COL11A1: variants seen among roughly 807,000 people sequenced by gnomAD.
COL11A1 encodes the protein collagen alpha-1(XI) chain.
A neutral mutation model predicts 265.2 loss-of-function variants in COL11A1; 74 were observed. That is an observed-to-expected ratio of 0.28 (90% CI 0.23 to 0.34). The LOEUF (loss-of-function observed/expected upper bound fraction) is 0.34, where lower values mean the gene tolerates loss of function less well. Ranked by LOEUF, COL11A1 falls within the 10% of genes least tolerant of loss-of-function variation. The pLI, the probability that COL11A1 is intolerant of heterozygous loss-of-function variation, is 1.00. For synonymous variants in COL11A1, 816 were observed against 727.6 expected (o/e 1.12, Z -1.96); for missense variants, 2,165 against 2,263.6 (o/e 0.96, Z 0.88).
At chr1:102,878,762 G>A (rs1162304929) in intron 66 of COL11A1, among the ~76,000 whole-genome samples, 1 of 151,586 alleles carries the variant, frequency 6.6e-6, no homozygotes, top group African/African-American at 2.4e-5. Flanking sequence ...GCCCGCCATG[G>A]CTGCCCAAAG....
At chr1:102,980,549 C>T (rs1359248530) in intron 31 of COL11A1, among the ~76,000 whole-genome samples, 9 of 152,036 alleles carry the variant, frequency 5.9e-5, no homozygotes, top group Admixed American at 1.3e-4. Flanking sequence ...TGCAATAATA[C>T]GTAAAATGTC....
At chr1:103,043,389 C>A (rs1289576206) in intron 4 of COL11A1, among the ~76,000 whole-genome samples, 1 of 113,100 alleles carries the variant, frequency 8.8e-6, no homozygotes, top group Non-Finnish European at 2.0e-5. Context: ...ACAGCCTGGG[C>A]TCCTTACTTA....
intron 25 of COL11A1, among the ~76,000 whole-genome samples, 162 bp from the exon 26 acceptor site, chr1:102,997,286 G>A (rs2101802141): frequency 6.6e-6 from 1 of 151,956 alleles, no homozygotes; most frequent in African/African-American, 2.4e-5. Context: ...AAATAAATTG[G>A]AAACTATGGC....
intron 4 of COL11A1, among the ~76,000 whole-genome samples, chr1:103,059,048 C>A (rs1670454099): frequency 6.6e-6 from 1 of 152,010 alleles, no homozygotes. Flanking sequence ...AAAAATGATG[C>A]CAACAGACTT....
At chr1:102,940,603 A>AT (rs1658624688) in intron 42 of COL11A1, among the ~76,000 whole-genome samples, 169 bp from the exon 43 acceptor site, 1 of 152,292 alleles carries the variant, frequency 6.6e-6, no homozygotes, top group Admixed American at 6.5e-5. Context: ...TAAGAATACT[A>AT]TTTTTTTAAA....
chr1:103,014,410 A>C, intron 13 of COL11A1, 101 bp downstream of exon 13: 1 of 1,010,130 alleles, frequency 9.9e-7, no homozygotes, highest in Non-Finnish European at 1.6e-6. Context: ...ATTCGGAAGT[A>C]AATATTCTAT....
chr1:103,022,690 A>G, intron 8 of COL11A1, 52 bp downstream of exon 8: 7 of 1,608,078 alleles, frequency 4.4e-6, no homozygotes, highest in Non-Finnish European at 6.0e-6. Flanking sequence ...ATGGACATAA[A>G]AATATCCCAT....
chr1:102,962,458 G>T (rs1168130135), intron 39 of COL11A1, among the ~76,000 whole-genome samples, 193 bp from the exon 40 acceptor site: 3 of 152,146 alleles, frequency 2.0e-5, no homozygotes, highest in Admixed American at 6.6e-5. Flanking sequence ...ATATATTAAA[G>T]ATTTTATGGT....
intron 4 of COL11A1, among the ~76,000 whole-genome samples, chr1:103,066,940 T>C (rs1671202985): frequency 6.6e-6 from 1 of 151,752 alleles, no homozygotes; most frequent in Admixed American, 6.6e-5. Flanking sequence ...CTAGTGGAGA[T>C]AGAGAGCTAT....
At chr1:103,030,434 T>A (rs564339450) in intron 5 of COL11A1, among the ~76,000 whole-genome samples, 39 of 152,170 alleles carry the variant, frequency 2.6e-4, no homozygotes, top group African/African-American at 9.1e-4. Flanking sequence ...ACTCAAATGG[T>A]GGCACCTAAT....
At chr1:103,056,946 G>A (rs1209947330) in intron 4 of COL11A1, among the ~76,000 whole-genome samples, 2 of 152,098 alleles carry the variant, frequency 1.3e-5, no homozygotes, top group Admixed American at 1.3e-4. Context: ...GCTGGTGGAG[G>A]GTCTCACCTC....
intron 63 of COL11A1, among the ~76,000 whole-genome samples, chr1:102,885,290 T>C (rs529691934): frequency 1.3e-5 from 2 of 152,286 alleles, no homozygotes; most frequent in Admixed American, 6.5e-5. Flanking sequence ...GGTGTCAGCT[T>C]TGACCTTTAT....
intron 62 of COL11A1, among the ~76,000 whole-genome samples, chr1:102,887,878 C>G (rs1180269029): frequency 1.3e-5 from 2 of 152,070 alleles, no homozygotes; most frequent in African/African-American, 4.8e-5. Context: ...CACCACAAGC[C>G]AAGAAGAGAA....
Position 103,078,851 on chromosome 1 carries a change from A to T in COL11A1, c.295T>A (p.Phe99Ile). The change falls in exon 3 of 67, where the codon TTT (phenylalanine) becomes ATT (isoleucine). Residue 99 changes from phenylalanine to isoleucine, a missense_variant. Transcript: ENST00000370096. ...GGTTTTACTGTAAATAGTATTGAAA[A>T]GTCTTCTGGGAAAGTTCCACCTGAG... is the stretch of plus-strand genomic sequence containing the variant. ...LFPGGTFPED[F>I]SILFTVKPKK... The T allele has an allele frequency of 6.2e-7, 1 of 1,610,198 alleles. No individual in the cohort carries two copies. Among genetic ancestry groups the T allele is most frequent in the Non-Finnish European group, 8.5e-7 (1 of 1,177,322 alleles).
Position 102,979,374 on chromosome 1 carries a change from T to C in COL11A1, c.2610+8A>G. ...ATACATAGTTCAAAACATATTTATA[T>C]ATCATACCCGTGCACCTTTCTCTCC... On this transcript the variant is annotated splice_region_variant and intron_variant, in intron 32 of 66. Transcript: ENST00000370096. 6.2e-7 allele frequency: 1 copy of C among 1,600,394 alleles called. No homozygotes were observed. Among genetic ancestry groups the C allele is most frequent in the Non-Finnish European group, 8.6e-7 (1 of 1,167,786 alleles).
intron 66 of COL11A1, among the ~76,000 whole-genome samples, chr1:102,878,571 A>G (rs571574718): frequency 5.0e-4 from 70 of 140,346 alleles, no homozygotes; most frequent in Non-Finnish European, 3.5e-4. Context: ...GCTGGAGAGC[A>G]GTGATCTCAG....
chr1:102,984,220 T>A, intron 30 of COL11A1, 29 bp from the exon 31 acceptor site: 1 of 1,404,638 alleles, frequency 7.1e-7, no homozygotes, highest in Non-Finnish European at 9.9e-7. Context: ...ATAATCAAAG[T>A]AATATTTTAA....
intron 4 of COL11A1, among the ~76,000 whole-genome samples, chr1:103,074,287 GA>G (rs1296406832): frequency 1.3e-5 from 2 of 152,024 alleles, no homozygotes; most frequent in Non-Finnish European, 2.9e-5. Flanking sequence ...CCCATAGAAT[GA>G]AATGAAGAAA....
intron 4 of COL11A1, among the ~76,000 whole-genome samples, chr1:103,037,654 C>G (rs1042016984): frequency 6.6e-6 from 1 of 152,086 alleles, no homozygotes; most frequent in Non-Finnish European, 1.5e-5. Flanking sequence ...AATCAGTGCT[C>G]AATTATAATT....
Sources: allele counts gnomAD v4.1 joint callset (sites outside exome capture counted in the v4.1 genomes callset), GRCh38; gene constraint gnomAD v4.1.1; transcripts MANE v1.5; gene names NCBI Gene and HGNC (gene_info 2026-07-23, HGNC 2026-07-21).